CNIH1: variants seen among roughly 807,000 people sequenced by gnomAD.
The protein encoded by CNIH1 is protein cornichon homolog 1.
Under a neutral mutation model 20.2 loss-of-function variants are expected in CNIH1, and 12 were observed. The ratio of observed to expected loss-of-function variants is 0.59; its 90% CI spans 0.38 to 0.96. The LOEUF (loss-of-function observed/expected upper bound fraction) is 0.96. Among genes scored for constraint, CNIH1 ranks in the 40% least tolerant of loss-of-function variants. The pLI, the probability that CNIH1 is intolerant of heterozygous loss-of-function variation, is 0.00. For missense variants in CNIH1, 152 were observed against 178.8 expected, an observed-to-expected ratio of 0.85 and a Z score of 0.85; for synonymous variants, 69 against 63.3, an observed-to-expected ratio of 1.09 and a Z score of -0.43.
rs750471849 is a variant in CNIH1, at chr14:54,436,453, AAC to A, written c.82-18_82-17del. ...ATGCTATAATCTAAAATAAAATTAA[AAC>A]AGTTAGGACCACTCACTTTAATTAA... On this transcript the variant is annotated splice_polypyrimidine_tract_variant and intron_variant, in intron 1 of 4. Coordinates refer to ENST00000216416, the MANE Select transcript of CNIH1 (RefSeq NM_005776.3). 2.0e-5 allele frequency: 28 copies of A among 1,396,416 alleles called. No individual in the cohort carries two copies. Among genetic ancestry groups the A allele is most frequent in the Non-Finnish European group, 2.4e-5 (24 of 984,598 alleles). The allele number at this position is 1,396,416 out of a possible 1,614,324, so 86.5% of individuals were successfully genotyped here.
Position 54,427,519 on chromosome 14 carries a change from A to C in CNIH1, c.*295T>G. ...ACAGTCAGTAATTAATGCATCATTC[A>C]GAGGATTATGGCTGTTCCTTAAGAA... is the stretch of plus-strand genomic sequence containing the variant. On this transcript the variant is annotated 3_prime_UTR_variant, in exon 5 of 5. Transcript: ENST00000216416. 1 of 378,324 alleles carries C rather than the reference A, an allele frequency of 2.6e-6. No individual in the cohort carries two copies. Among genetic ancestry groups the C allele is most frequent in the Non-Finnish European group, 4.7e-6 (1 of 211,256 alleles). The allele number at this position is 378,324 out of a possible 1,614,324, so 23.4% of individuals were successfully genotyped here.
rs918601279 is a variant in CNIH1, at chr14:54,426,681, T to C, written c.*1133A>G. On this transcript the variant is annotated 3_prime_UTR_variant, in exon 5 of 5. Transcript: ENST00000216416. ...AAGTAAAATATTTTAAGTGCCACCA[T>C]AATTTTTCTTAATTGGTAAGAGAAA... 6.6e-6 allele frequency: 1 copy of C among 152,210 alleles called. No homozygotes were observed. Among genetic ancestry groups the C allele is most frequent in the African/African-American group, 2.4e-5 (1 of 41,470 alleles). The allele number at this position is 152,210 out of a possible 1,614,324, so 9.4% of individuals were successfully genotyped here.
chr14:54,436,364 C>T lies in CNIH1; in HGVS notation c.150+5G>A, dbSNP rs2031054446. The T allele has an allele frequency of 1.4e-6, 2 of 1,462,930 alleles. No individual in the cohort carries two copies. Among genetic ancestry groups the T allele is most frequent in the Non-Finnish European group, 1.9e-6 (2 of 1,047,434 alleles). 90.6% of individuals were successfully genotyped at this position (1,462,930 alleles called of 1,614,324 possible). A position where few individuals can be genotyped will look rare whatever the true frequency, so the allele number is the denominator to read the frequency against. Reference sequence around the variant, plus strand: ...TCTAAAGATAAATCCTATATTATAACTTACGGGATTCAGGGTATTACACTG... The same window carrying T: ...TCTAAAGATAAATCCTATATTATAATTTACGGGATTCAGGGTATTACACTG... On this transcript the variant is annotated splice_donor_5th_base_variant and intron_variant, in intron 2 of 4. Coordinates refer to ENST00000216416, the MANE Select transcript of CNIH1 (RefSeq NM_005776.3).
At chr14:54,433,485 G>A (rs949376414) in intron 2 of CNIH1, among the ~76,000 whole-genome samples, 4 of 151,946 alleles carry the variant, frequency 2.6e-5, no homozygotes, top group African/African-American at 9.7e-5. Context: ...GGATAAACTC[G>A]GCATATGTAC....
intron 1 of CNIH1, among the ~76,000 whole-genome samples, chr14:54,440,158 T>C (rs1594620736): frequency 6.6e-6 from 1 of 152,358 alleles, no homozygotes; most frequent in African/African-American, 2.4e-5. Flanking sequence ...CTGCTGCTGT[T>C]TAATCATTCT....
chr14:54,434,510 C>T (rs967166754), intron 2 of CNIH1, among the ~76,000 whole-genome samples: 1 of 152,186 alleles, frequency 6.6e-6, no homozygotes, highest in African/African-American at 2.4e-5. Flanking sequence ...GTGCTTTAAC[C>T]TGGCAAAGCT....
At chr14:54,431,017 G>GT (rs2030931857) in intron 3 of CNIH1, among the ~76,000 whole-genome samples, 1 of 151,804 alleles carries the variant, frequency 6.6e-6, no homozygotes, top group South Asian at 2.1e-4. Flanking sequence ...GTAGAGGGGG[G>GT]TTTTGCCACG....
chr14:54,427,915 T>C, intron 4 of CNIH1, 74 bp from the exon 5 acceptor site: 1 of 1,387,660 alleles, frequency 7.2e-7, no homozygotes, highest in Non-Finnish European at 1.0e-6. Context: ...TGAGAGAGTA[T>C]GCTTTATATA....
intron 1 of CNIH1, among the ~76,000 whole-genome samples, chr14:54,440,650 A>G (rs899627743): frequency 6.6e-5 from 10 of 152,236 alleles, no homozygotes; most frequent in African/African-American, 2.4e-4. Context: ...GGAAACGCGC[A>G]CATGCAATCA....
chr14:54,428,273 T>C (rs1029639570), intron 4 of CNIH1, among the ~76,000 whole-genome samples: 2 of 152,114 alleles, frequency 1.3e-5, no homozygotes, highest in African/African-American at 4.8e-5. Flanking sequence ...TGTATCCCCA[T>C]TGTATAGAAA....
At chr14:54,430,234 A>C (rs890251946) in intron 4 of CNIH1, 27 bp downstream of exon 4, 1 of 1,609,412 alleles carries the variant, frequency 6.2e-7, no homozygotes. Context: ...AAGTGAAAGC[A>C]TATTTCATTT....
chr14:54,432,343 A>G (rs2030966518), intron 2 of CNIH1, 123 bp from the exon 3 acceptor site: 1 of 521,168 alleles, frequency 1.9e-6, no homozygotes, highest in South Asian at 3.0e-5. Flanking sequence ...ACTCAGAAAT[A>G]AAAGATGCTA....
chr14:54,431,908 A>T (rs768847645), intron 3 of CNIH1, among the ~76,000 whole-genome samples, 200 bp downstream of exon 3: 55 of 152,282 alleles, frequency 3.6e-4, no homozygotes, highest in African/African-American at 7.7e-4. Flanking sequence ...TTCACTTTTT[A>T]AAAAAATTCC....
rs1000395949 is a variant in CNIH1, at chr14:54,426,193, A to T, written c.*1621T>A. ...AGACTGTGAAATACAAGGTCTTTAAAGCTTTCCTTGTTATGGAACAGTTTG... is the reference window on the plus strand; with the variant it reads ...AGACTGTGAAATACAAGGTCTTTAATGCTTTCCTTGTTATGGAACAGTTTG... On this transcript the variant is annotated 3_prime_UTR_variant, in exon 5 of 5. Coordinates refer to ENST00000216416, the MANE Select transcript of CNIH1 (RefSeq NM_005776.3). 1 of 152,170 alleles carries T rather than the reference A, an allele frequency of 6.6e-6. No individual in the cohort carries two copies. The highest frequency in any genetic ancestry group is 2.4e-5 in the African/African-American group (1 of 41,440). 9.4% of individuals were successfully genotyped at this position (152,170 alleles called of 1,614,324 possible). A position where few individuals can be genotyped will look rare whatever the true frequency, so the allele number is the denominator to read the frequency against.
Position 54,426,511 on chromosome 14 carries a change from T to G in CNIH1, c.*1303A>C, listed in dbSNP as rs925531359. ...TTATTTTATTTTCAACTGCCTTAAC[T>G]TCCTCATCCCAAATAAAGCACAAGA... is the stretch of plus-strand genomic sequence containing the variant. On this transcript the variant is annotated 3_prime_UTR_variant, in exon 5 of 5. Transcript: ENST00000216416. 6.6e-6 allele frequency: 1 copy of G among 152,178 alleles called. No individual in the cohort carries two copies. The highest frequency in any genetic ancestry group is 2.4e-5 in the African/African-American group (1 of 41,442). The allele number at this position is 152,178 out of a possible 1,614,324, so 9.4% of individuals were successfully genotyped here.
intron 2 of CNIH1, among the ~76,000 whole-genome samples, chr14:54,433,107 A>G (rs755508263): frequency 2.7e-4 from 41 of 152,234 alleles, no homozygotes; most frequent in Non-Finnish European, 1.8e-4. Flanking sequence ...TTCTCATCCT[A>G]AAGATTTCAG....
intron 3 of CNIH1, among the ~76,000 whole-genome samples, chr14:54,431,194 T>C (rs373686057): frequency 1.6e-3 from 239 of 151,918 alleles, no homozygotes; most frequent in African/African-American, 5.5e-3. Flanking sequence ...AGTGACACGA[T>C]CTTGGCTAAC....
At chr14:54,440,419 C>G (rs1427118529) in intron 1 of CNIH1, among the ~76,000 whole-genome samples, 7 of 152,290 alleles carry the variant, frequency 4.6e-5, no homozygotes, top group Admixed American at 3.9e-4. Context: ...AGGGAACTTA[C>G]GACTTTTTCC....
In CNIH1 at chr14:54,427,083, T is replaced by C. The variant is rs2030840825; in HGVS notation, c.*731A>G. The C allele has an allele frequency of 6.6e-6, 1 of 151,926 alleles. No individual in the cohort carries two copies. Among genetic ancestry groups the C allele is most frequent in the Admixed American group, 6.6e-5 (1 of 15,254 alleles). The allele number at this position is 151,926 out of a possible 1,614,324, so 9.4% of individuals were successfully genotyped here. ...AGAACAGTAAGCATAATAACCAATT[T>C]CTTAATAAGTAATGTCTTACAAATA... On this transcript the variant is annotated 3_prime_UTR_variant, in exon 5 of 5. Coordinates refer to ENST00000216416, the MANE Select transcript of CNIH1 (RefSeq NM_005776.3).
Sources: allele counts gnomAD v4.1 joint callset (sites outside exome capture counted in the v4.1 genomes callset), GRCh38; gene constraint gnomAD v4.1.1; transcripts MANE v1.5; gene names NCBI Gene and HGNC (gene_info 2026-07-23, HGNC 2026-07-21).